Variants in ACYP2 observed in about 807,000 individuals in gnomAD.
ACYP2 encodes the protein acylphosphatase 2.
In ACYP2, 12 loss-of-function variants were observed where a neutral mutation model predicts 11.2. The ratio of observed to expected loss-of-function variants is 1.08; its 90% CI spans 0.69 to 1.74. The LOEUF is 1.74. ACYP2 is among the 40% of genes most tolerant of loss of function. ACYP2 has a pLI of 0.00. For synonymous variants in ACYP2, 43 were observed against 32.2 expected, an observed-to-expected ratio of 1.33 and a Z score of -1.13; for missense variants, 134 against 101.9, an observed-to-expected ratio of 1.31 and a Z score of -1.35.
chr2:54,083,695 G>A (rs747533364), intron 4 of ACYP2, among the ~76,000 whole-genome samples: 1 of 152,106 alleles, frequency 6.6e-6, no homozygotes, highest in Non-Finnish European at 1.5e-5. Context: ...GATAATTACT[G>A]TTCCCCCATC....
At chr2:54,166,810 C>T (rs1682994513) in intron 6 of ACYP2, 2 of 152,156 alleles carry the variant, frequency 1.3e-5, no homozygotes, top group African/African-American at 4.8e-5. Flanking sequence ...CTTAGTCTCA[C>T]ATTTGCCACC....
At chr2:54,021,748 T>C (rs1674019555) in intron 2 of ACYP2, among the ~76,000 whole-genome samples, 1 of 152,130 alleles carries the variant, frequency 6.6e-6, no homozygotes, top group Non-Finnish European at 1.5e-5. Flanking sequence ...GACAAATAAA[T>C]TGAGCATTTT....
chr2:54,145,187 CTATTTT>C (rs1339840619), intron 6 of ACYP2, among the ~76,000 whole-genome samples: 1 of 152,026 alleles, frequency 6.6e-6, no homozygotes, highest in African/African-American at 2.4e-5. Context: ...TTATTTATTT[CTATTTT>C]TATTTGATTA....
At chr2:54,098,158 A>C (rs2103696325) in intron 4 of ACYP2, among the ~76,000 whole-genome samples, 1 of 152,064 alleles carries the variant, frequency 6.6e-6, no homozygotes, top group East Asian at 1.9e-4. Context: ...TAGTAGAGTC[A>C]GGGTTTTGCC....
chr2:53,983,859 G>A (rs960162302), intron 2 of ACYP2, among the ~76,000 whole-genome samples: 9 of 152,084 alleles, frequency 5.9e-5, no homozygotes, highest in African/African-American at 1.4e-4. Flanking sequence ...GGCCCAGTTA[G>A]GCCAGGAAAC....
chr2:54,073,279 C>T (rs1677159737), intron 4 of ACYP2, among the ~76,000 whole-genome samples: 1 of 151,820 alleles, frequency 6.6e-6, no homozygotes, highest in Admixed American at 6.6e-5. Context: ...GTAGTCCCAG[C>T]TACTTGGGAG....
chr2:54,037,884 T>G (rs1181301479), intron 2 of ACYP2, among the ~76,000 whole-genome samples: 1 of 152,146 alleles, frequency 6.6e-6, no homozygotes, highest in Non-Finnish European at 1.5e-5. Flanking sequence ...TATGAGAAAC[T>G]TGGAAATTCT....
chr2:54,249,846 AG>A (rs1254418666), intron 6 of ACYP2, among the ~76,000 whole-genome samples: 1 of 145,614 alleles, frequency 6.9e-6, no homozygotes, highest in Non-Finnish European at 1.5e-5. Flanking sequence ...AGGCTGGCTG[AG>A]GCAGATCACT....
Position 54,213,115 on chromosome 2 carries a change from T to C in ACYP2, c.404+74367T>C, listed in dbSNP as rs372239400. On this transcript the variant is annotated intron_variant, in intron 6 of 6. Coordinates refer to ENST00000607452, the MANE Select transcript of ACYP2 (RefSeq NM_001320586.2). ...CCACCCTCCACCCTCAAGTGGTCGC[T>C]AGTGTCTGTTGTTCCCTTCTTTGTG... 1.7e-4 allele frequency among the ~76,000 whole-genome samples: 26 copies of C among 152,272 alleles called. No individual in the cohort carries two copies. In the South Asian group the frequency reaches 2.5e-3, roughly 15 times the overall value.
At chr2:54,124,647 A>G (rs1039809278) in intron 4 of ACYP2, among the ~76,000 whole-genome samples, 1 of 152,210 alleles carries the variant, frequency 6.6e-6, no homozygotes, top group Non-Finnish European at 1.5e-5. Context: ...CTGTTTTAAG[A>G]TTTAATAAAT....
intron 6 of ACYP2, among the ~76,000 whole-genome samples, chr2:54,150,545 C>T (rs1682108194): frequency 6.6e-6 from 1 of 152,122 alleles, no homozygotes; most frequent in South Asian, 2.1e-4. Context: ...CCTCAGCCTC[C>T]TGAGTAGCTG....
At chr2:54,202,554 C>T (rs1386269204) in intron 6 of ACYP2, among the ~76,000 whole-genome samples, 2 of 151,224 alleles carry the variant, frequency 1.3e-5, no homozygotes, top group South Asian at 4.2e-4. Context: ...ATTACTGGTG[C>T]CCACCAATAC....
intron 6 of ACYP2, among the ~76,000 whole-genome samples, chr2:54,271,183 C>T (rs1456836293): frequency 1.3e-5 from 2 of 152,174 alleles, no homozygotes; most frequent in African/African-American, 4.8e-5. Flanking sequence ...AGACTGATCC[C>T]CTCCTTGTCC....
At chr2:54,124,218 G>T (rs567447940) in intron 4 of ACYP2, among the ~76,000 whole-genome samples, 1 of 149,196 alleles carries the variant, frequency 6.7e-6, no homozygotes, top group African/African-American at 2.5e-5. Context: ...TTTTGAGACA[G>T]AGTTTCATTC....
At chr2:54,255,361 G>A (rs183396928) in intron 6 of ACYP2, 1 of 1,614,118 alleles carries the variant, frequency 6.2e-7, no homozygotes, top group Admixed American at 1.7e-5. Context: ...TCTAATCATG[G>A]CAGACAGCTG....
At chr2:54,012,950 G>T (rs1311102874) in intron 2 of ACYP2, among the ~76,000 whole-genome samples, 2 of 152,044 alleles carry the variant, frequency 1.3e-5, no homozygotes, top group Non-Finnish European at 2.9e-5. Context: ...CTCTCCCTCT[G>T]CTCTAGTTAC....
At chr2:54,021,670 C>T (rs977602204) in intron 2 of ACYP2, among the ~76,000 whole-genome samples, 1 of 152,200 alleles carries the variant, frequency 6.6e-6, no homozygotes, top group East Asian at 1.9e-4. Flanking sequence ...TAAACATATT[C>T]ATTGCCTCCT....
chr2:54,292,033 T>A (rs1264883842), intron 6 of ACYP2, among the ~76,000 whole-genome samples: 1 of 152,200 alleles, frequency 6.6e-6, no homozygotes, highest in Non-Finnish European at 1.5e-5. Context: ...TTTTGTTTTT[T>A]ACTTTTTAAT....
intron 6 of ACYP2, chr2:54,254,912 G>A (rs748635645): frequency 3.1e-6 from 5 of 1,603,824 alleles, no homozygotes; most frequent in Middle Eastern, 1.9e-4. Context: ...AATTCCAAAG[G>A]CAAAGGTTAA....
Sources: allele counts gnomAD v4.1 joint callset (sites outside exome capture counted in the v4.1 genomes callset), GRCh38; gene constraint gnomAD v4.1.1; transcripts MANE v1.5; gene names NCBI Gene and HGNC (gene_info 2026-07-23, HGNC 2026-07-21).